Variants in KANSL1L observed in about 807,000 individuals in gnomAD.
KANSL1L encodes KAT8 regulatory NSL complex subunit 1 like, also known as KAT8 regulatory NSL complex subunit 1-like protein.
In KANSL1L, 25 loss-of-function variants were observed where a neutral mutation model predicts 108.6. The ratio of observed to expected loss-of-function variants is 0.23; its 90% CI spans 0.17 to 0.32. The LOEUF is 0.32. Among genes scored for constraint, KANSL1L ranks in the 10% least tolerant of loss-of-function variants. The probability of loss-of-function intolerance (pLI) is 1.00; values close to 1 mark genes in which losing one functional copy is unlikely to be tolerated. For missense variants in KANSL1L, 1,137 were observed against 1,125.7 expected, an observed-to-expected ratio of 1.01 and a Z score of -0.14; for synonymous variants, 405 against 395.1, an observed-to-expected ratio of 1.03 and a Z score of -0.30.
chr2:210,079,650 A>ATATATGTGTGTG lies in KANSL1L; in HGVS notation c.1551-3895_1551-3894insCACACACATATA, dbSNP rs1559539732. Among the ~76,000 whole-genome samples the ATATATGTGTGTG allele has an allele frequency of 5.2e-3, 102 of 19,526 alleles. 2 individuals carry two copies. The highest frequency in any genetic ancestry group is 7.5e-3 in the Non-Finnish European group (82 of 10,980). The allele number at this position is 19,526 out of a possible 152,430, so 12.8% of individuals were successfully genotyped here. On this transcript the variant is annotated intron_variant, in intron 5 of 14. Coordinates refer to ENST00000281772, the MANE Select transcript of KANSL1L (RefSeq NM_152519.4). ...TATATATATATATATATATATATAT[A>ATATATGTGTGTG]TATATATATATATATGTATGTGTGT... is the stretch of plus-strand genomic sequence containing the variant.
intron 2 of KANSL1L, among the ~76,000 whole-genome samples, chr2:210,147,452 CTAAAAA>C (rs966281458): frequency 5.3e-5 from 8 of 152,118 alleles, no homozygotes; most frequent in Non-Finnish European, 1.2e-4. Context: ...GACCTTTTCC[CTAAAAA>C]TAAAAATAAA....
At chr2:210,153,314 A>G (rs994177804) in intron 2 of KANSL1L, 181 bp downstream of exon 2, 1 of 525,746 alleles carries the variant, frequency 1.9e-6, no homozygotes, top group Non-Finnish European at 3.2e-6. Flanking sequence ...GGATTGCACC[A>G]CTACACTCCA....
intron 4 of KANSL1L, among the ~76,000 whole-genome samples, chr2:210,102,055 C>T (rs2094798760): frequency 6.6e-6 from 1 of 152,076 alleles, no homozygotes; most frequent in South Asian, 2.1e-4. Context: ...GGGATCTTTT[C>T]CCCATTTCTT....
At chr2:210,110,134 A>G (rs1452588019) in intron 3 of KANSL1L, among the ~76,000 whole-genome samples, 1 of 151,804 alleles carries the variant, frequency 6.6e-6, no homozygotes, top group Non-Finnish European at 1.5e-5. Context: ...TCACCCTCTA[A>G]CCCCTATACC....
intron 5 of KANSL1L, chr2:210,080,267 G>A (rs944198008): frequency 1.3e-5 from 2 of 151,990 alleles, no homozygotes; most frequent in Admixed American, 6.6e-5. Context: ...CTCTTCCATA[G>A]TTCTCTTGCC....
intron 6 of KANSL1L, among the ~76,000 whole-genome samples, chr2:210,059,681 A>G (rs542097069): frequency 6.6e-6 from 1 of 152,312 alleles, no homozygotes; most frequent in African/African-American, 2.4e-5. Context: ...CTCAACTAAG[A>G]TAATTCCCAT....
intron 5 of KANSL1L, among the ~76,000 whole-genome samples, chr2:210,085,615 C>CA (rs1233933737): frequency 6.6e-6 from 1 of 151,976 alleles, no homozygotes; most frequent in East Asian, 1.9e-4. Flanking sequence ...AAATATTTTT[C>CA]AAAATCCCAT....
At chr2:210,027,691 C>T (rs2093956469) in intron 11 of KANSL1L, among the ~76,000 whole-genome samples, 1 of 152,160 alleles carries the variant, frequency 6.6e-6, no homozygotes, top group African/African-American at 2.4e-5. Flanking sequence ...GTATGTTTGC[C>T]AATTTCTTTG....
intron 8 of KANSL1L, 83 bp from the exon 9 acceptor site, chr2:210,031,629 G>T: frequency 1.2e-6 from 1 of 862,900 alleles, no homozygotes; most frequent in East Asian, 3.0e-5. Context: ...ATTTGTAACT[G>T]CAGAATTTTA....
intron 4 of KANSL1L, among the ~76,000 whole-genome samples, chr2:210,101,154 A>G (rs1282320115): frequency 6.6e-6 from 1 of 152,162 alleles, no homozygotes; most frequent in Non-Finnish European, 1.5e-5. Context: ...AAAGGCCCTG[A>G]CAGTTTCATC....
At chr2:210,126,555 C>T (rs1207996814) in intron 3 of KANSL1L, among the ~76,000 whole-genome samples, 1 of 151,394 alleles carries the variant, frequency 6.6e-6, no homozygotes, top group Non-Finnish European at 1.5e-5. Flanking sequence ...TGGCCCACAC[C>T]TGTAATCCCA....
chr2:210,079,640 A>G (rs5021592), intron 5 of KANSL1L, among the ~76,000 whole-genome samples: 499 of 4,978 alleles, frequency 0.1, 48 homozygotes, highest in South Asian at 0.17. Context: ...ATATATATAT[A>G]TATATATATA....
At chr2:210,079,644 A>ATATGTATGTGTG (rs1553653224) in intron 5 of KANSL1L, among the ~76,000 whole-genome samples, 1 of 8,978 alleles carries the variant, frequency 1.1e-4, no homozygotes, top group Non-Finnish European at 3.3e-4. Flanking sequence ...ATATATATAT[A>ATATGTATGTGTG]TATATATATA....
At chr2:210,136,660 G>C (rs372178613) in intron 2 of KANSL1L, among the ~76,000 whole-genome samples, 177 of 152,258 alleles carry the variant, frequency 1.2e-3, no homozygotes, top group African/African-American at 3.9e-3. Context: ...AATCCAGCAA[G>C]AGTTCTGTAC....
At chr2:210,154,644 C>A in intron 1 of KANSL1L, 33 bp from the exon 2 acceptor site, 2 of 1,330,720 alleles carry the variant, frequency 1.5e-6, no homozygotes, top group Non-Finnish European at 2.0e-6. Context: ...GGTCAAATAT[C>A]TAGAAAAAAA....
chr2:210,057,423 CG>C (rs1406943575), intron 6 of KANSL1L, among the ~76,000 whole-genome samples: 1 of 151,990 alleles, frequency 6.6e-6, no homozygotes, highest in East Asian at 1.9e-4. Context: ...ACAATAGGGC[CG>C]GGCGCTGTGG....
Position 210,029,814 on chromosome 2 carries a change from T to G in KANSL1L, c.2260A>C (p.Asn754His). 1 of 1,565,638 alleles carries G rather than the reference T, an allele frequency of 6.4e-7. No homozygotes were observed. The highest frequency in any genetic ancestry group is 1.4e-5 in the African/African-American group (1 of 73,940). ...SNVNVLSRIQ[N>H]SSRNTARRRL... ...ATGGAAAAACCTACTCGTGATGAAT[T>G]CTGGATTCTTGATAAAACGTTGACA... The change falls in exon 10 of 15, where the codon AAT becomes CAT. Residue 754 changes from asparagine (N) to histidine (H), a missense_variant. Coordinates refer to ENST00000281772, the MANE Select transcript of KANSL1L (RefSeq NM_152519.4).
chr2:210,033,797 C>T (rs1487767288), intron 8 of KANSL1L, among the ~76,000 whole-genome samples: 17 of 152,026 alleles, frequency 1.1e-4, no homozygotes, highest in Admixed American at 9.2e-4. Flanking sequence ...CTCAGCCTCC[C>T]AAAGTGCTGG....
At chr2:210,096,843 T>G in intron 5 of KANSL1L, 1 of 845,664 alleles carries the variant, frequency 1.2e-6, no homozygotes, top group East Asian at 1.2e-4. Context: ...AATGGATACA[T>G]AACTCAACAT....
Sources: gnomAD v4.1 joint callset for allele counts (sites outside exome capture counted in the v4.1 genomes callset) on GRCh38, gnomAD v4.1.1 for gene constraint, MANE v1.5 for transcripts, NCBI Gene and HGNC (gene_info 2026-07-23, HGNC 2026-07-21) for gene names.